GFOD1: variants seen among roughly 807,000 people sequenced by gnomAD.
The protein encoded by GFOD1 is glucose-fructose oxidoreductase domain-containing protein 1.
A neutral mutation model predicts 25.4 loss-of-function variants in GFOD1; 9 were observed. That is an observed-to-expected ratio of 0.35 (90% CI 0.21 to 0.62). The LOEUF is 0.62. Among genes scored for constraint, GFOD1 ranks in the 20% least tolerant of loss-of-function variants. GFOD1 has a pLI of 0.72. For missense variants in GFOD1, 403 were observed against 556.9 expected (o/e 0.72, Z 2.78); for synonymous variants, 253 against 245.6 (o/e 1.03, Z -0.28).
intron 1 of GFOD1, among the ~76,000 whole-genome samples, chr6:13,411,460 T>C (rs1786076422): frequency 6.6e-6 from 1 of 151,966 alleles, no homozygotes; most frequent in Non-Finnish European, 1.5e-5. Flanking sequence ...CCTGGCTAAT[T>C]TTTGTATTTT....
At chr6:13,424,584 C>A (rs761008456) in intron 1 of GFOD1, among the ~76,000 whole-genome samples, 1 of 152,086 alleles carries the variant, frequency 6.6e-6, no homozygotes, top group Non-Finnish European at 1.5e-5. Flanking sequence ...GATACCCACA[C>A]GCTCTTAAGG....
At chr6:13,419,011 T>C (rs979578581) in intron 1 of GFOD1, among the ~76,000 whole-genome samples, 9 of 152,168 alleles carry the variant, frequency 5.9e-5, no homozygotes, top group South Asian at 2.1e-4. Context: ...GATCATGGAG[T>C]TTGGGAGCCC....
chr6:13,451,289 C>T (rs761469017), intron 1 of GFOD1, among the ~76,000 whole-genome samples: 13 of 152,118 alleles, frequency 8.5e-5, no homozygotes, highest in Non-Finnish European at 8.8e-5. Flanking sequence ...TTGACATTGA[C>T]GAGGCCTTCA....
At chr6:13,373,765 C>T (rs1785195109) in intron 1 of GFOD1, among the ~76,000 whole-genome samples, 2 of 142,604 alleles carry the variant, frequency 1.4e-5, no homozygotes, top group Non-Finnish European at 3.0e-5. Flanking sequence ...CACACACACA[C>T]ACACACACTA....
chr6:13,437,806 T>C (rs1757856766), intron 1 of GFOD1, among the ~76,000 whole-genome samples: 3 of 152,216 alleles, frequency 2.0e-5, no homozygotes, highest in Admixed American at 6.5e-5. Context: ...ACAGAAATCA[T>C]TACTGGTGCA....
At position 13,360,578 on chromosome 6, in the gene GFOD1, C is replaced by T. The variant is rs535926776; in HGVS notation, c.*4165G>A. ...ATTTTGAAAATCCCCAGCCCTGAGG[C>T]TTGCTGCATCACCTACAATCAAAAT... is the stretch of plus-strand genomic sequence containing the variant. On this transcript the variant is annotated 3_prime_UTR_variant, in exon 2 of 2. Transcript: ENST00000379287. The T allele has an allele frequency of 2.5e-6, 1 of 404,310 alleles. No individual in the cohort carries two copies. Among genetic ancestry groups the T allele is most frequent in the African/African-American group, 2.0e-5 (1 of 49,050 alleles). The allele number at this position is 404,310 out of a possible 1,614,324, so 25.0% of individuals were successfully genotyped here.
At position 13,477,603 on chromosome 6, in the gene GFOD1, C is replaced by T. The variant is rs549747773; in HGVS notation, c.253+9035G>A. On this transcript the variant is annotated intron_variant, in intron 1 of 1. Transcript: ENST00000379287. The stretch of plus-strand genomic sequence containing the variant: ...CAGTTGGTCATGTTTATCTACTTTC[C>T]CATCACACTCTTCAAAATATATATG... Among the ~76,000 whole-genome samples the T allele has an allele frequency of 2.0e-5, 3 of 152,056 alleles. No homozygotes were observed. In the South Asian group the frequency reaches 6.3e-4, roughly 32 times the overall value.
intron 1 of GFOD1, among the ~76,000 whole-genome samples, chr6:13,420,001 T>C (rs73366931): frequency 0.063 from 9,568 of 152,254 alleles, 378 homozygotes; most frequent in Middle Eastern, 0.12. Flanking sequence ...CTCTCCCCTC[T>C]GAGAAGGTGT....
In GFOD1 at chr6:13,431,621, T is replaced by C. The variant is rs182097503; in HGVS notation, c.253+55017A>G. The stretch of plus-strand genomic sequence containing the variant: ...TTTCTAACTAAAAAACTGCACCCAC[T>C]CTCTTCTCTGAACGGCCCTACTCCA... On this transcript the variant is annotated intron_variant, in intron 1 of 1. Coordinates refer to ENST00000379287, the MANE Select transcript of GFOD1 (RefSeq NM_018988.4). 1.3e-3 allele frequency among the ~76,000 whole-genome samples: 203 copies of C among 152,292 alleles called. 1 individual carries two copies. Among genetic ancestry groups the C allele is most frequent in the Non-Finnish European group, 4.3e-4 (29 of 68,028 alleles).
At chr6:13,470,812 C>T (rs962190408) in intron 1 of GFOD1, among the ~76,000 whole-genome samples, 3 of 152,164 alleles carry the variant, frequency 2.0e-5, no homozygotes, top group African/African-American at 4.8e-5. Flanking sequence ...GTGGGCAGCA[C>T]ACTGTAGTGT....
chr6:13,421,026 T>C (rs1786247703), intron 1 of GFOD1, among the ~76,000 whole-genome samples: 1 of 152,182 alleles, frequency 6.6e-6, no homozygotes, highest in Admixed American at 6.5e-5. Flanking sequence ...TAATAATGTA[T>C]GTAAAATTCT....
intron 1 of GFOD1, among the ~76,000 whole-genome samples, chr6:13,450,915 G>C (rs1758086071): frequency 6.6e-6 from 1 of 152,188 alleles, no homozygotes; most frequent in African/African-American, 2.4e-5. Flanking sequence ...CAGCAGCCTA[G>C]GGCCTGCACG....
At chr6:13,405,363 T>C (rs1254758402) in intron 1 of GFOD1, among the ~76,000 whole-genome samples, 1 of 152,258 alleles carries the variant, frequency 6.6e-6, no homozygotes, top group Non-Finnish European at 1.5e-5. Context: ...ATTTTAATAA[T>C]ATATTTTCCT....
chr6:13,475,261 C>T (rs1410553457), intron 1 of GFOD1, among the ~76,000 whole-genome samples: 1 of 152,154 alleles, frequency 6.6e-6, no homozygotes, highest in East Asian at 1.9e-4. Flanking sequence ...TACATACCAA[C>T]TATAATGGCT....
At chr6:13,399,682 A>G (rs917647509) in intron 1 of GFOD1, among the ~76,000 whole-genome samples, 1 of 152,250 alleles carries the variant, frequency 6.6e-6, no homozygotes, top group Non-Finnish European at 1.5e-5. Context: ...AAAGTGAGCT[A>G]TCAGGGCAGA....
At chr6:13,375,493 C>T (rs1785239306) in intron 1 of GFOD1, among the ~76,000 whole-genome samples, 1 of 152,140 alleles carries the variant, frequency 6.6e-6, no homozygotes, top group Non-Finnish European at 1.5e-5. Context: ...AGTTTCCATC[C>T]TAATTTCACA....
At chr6:13,396,836 C>A (rs1309379616) in intron 1 of GFOD1, among the ~76,000 whole-genome samples, 1 of 152,184 alleles carries the variant, frequency 6.6e-6, no homozygotes, top group Non-Finnish European at 1.5e-5. Flanking sequence ...TGCCAGCACA[C>A]TGAATTTAGA....
chr6:13,375,387 C>T (rs942586144), intron 1 of GFOD1, among the ~76,000 whole-genome samples: 1 of 152,154 alleles, frequency 6.6e-6, no homozygotes, highest in African/African-American at 2.4e-5. Flanking sequence ...GACAATCATG[C>T]GACTGACTGC....
Position 13,430,816 on chromosome 6 carries a change from C to T in GFOD1, c.253+55822G>A, listed in dbSNP as rs1171397002. ...TCAGGCTCGCTACCAAACTCTACTC[C>T]TCACCCTCTCTTTCTCCAGGACTCC... On this transcript the variant is annotated intron_variant, in intron 1 of 1. Transcript: ENST00000379287. This position sits in a 1 kb window ranked among gnomAD's most constrained non-coding sequence, Gnocchi z 4.1. Among the ~76,000 whole-genome samples, 1 of 152,138 alleles carries T rather than the reference C, an allele frequency of 6.6e-6. No homozygotes were observed. Among genetic ancestry groups the T allele is most frequent in the Non-Finnish European group, 1.5e-5 (1 of 68,026 alleles).
Sources: gnomAD v4.1 joint callset for allele counts (sites outside exome capture counted in the v4.1 genomes callset) on GRCh38, gnomAD v4.1.1 for gene constraint, Gnocchi (gnomAD v3.1) non-coding constraint, MANE v1.5 for transcripts, NCBI Gene and HGNC (gene_info 2026-07-23, HGNC 2026-07-21) for gene names.